NCL: variants seen among roughly 807,000 people sequenced by gnomAD.
NCL encodes the protein nucleolin multifunctional protein.
A neutral mutation model predicts 77.7 loss-of-function variants in NCL; 4 were observed. The ratio of observed to expected loss-of-function variants is 0.05; its 90% confidence interval spans 0.03 to 0.12. The LOEUF (loss-of-function observed/expected upper bound fraction) is 0.12. Among genes scored for constraint, NCL ranks in the 10% least tolerant of loss-of-function variants. NCL has a pLI of 1.00. For missense variants in NCL, 763 were observed against 860.9 expected (o/e 0.89, Z 1.42); for synonymous variants, 344 against 297.8 (o/e 1.16, Z -1.60).
intron 6 of NCL, 39 bp downstream of exon 6, chr2:231,460,113 A>G: frequency 1.0e-5 from 16 of 1,582,616 alleles, no homozygotes; most frequent in Non-Finnish European, 1.3e-5. Flanking sequence ...AAAAGCATTA[A>G]CAGACCCACG....
intron 9 of NCL, 74 bp from the exon 10 acceptor site, chr2:231,457,198 T>C (rs1047900321): frequency 2.5e-6 from 4 of 1,587,486 alleles, no homozygotes; most frequent in Non-Finnish European, 3.5e-6. Flanking sequence ...AGTAATATCT[T>C]ATTCCTAAGA....
At chr2:231,456,458 G>A in intron 11 of NCL, 173 bp downstream of exon 11, 1 of 1,206,030 alleles carries the variant, frequency 8.3e-7, no homozygotes, top group Admixed American at 1.7e-5. Context: ...ATCAGAACTT[G>A]ACTATCTAGA....
At chr2:231,456,158 G>C in intron 11 of NCL, 22 bp from the exon 12 acceptor site, 4 of 1,612,974 alleles carry the variant, frequency 2.5e-6, no homozygotes, top group Non-Finnish European at 3.4e-6. Flanking sequence ...AAAAAAATGT[G>C]ACTTTATGTG....
At chr2:231,455,298 G>T (rs778870166) in intron 13 of NCL, 31 bp from the exon 14 acceptor site, 1 of 1,614,018 alleles carries the variant, frequency 6.2e-7, no homozygotes, top group Admixed American at 1.7e-5. Context: ...ACTGTTAAAA[G>T]AATGGGTACA....
chr2:231,462,881 AC>A, intron 2 of NCL: 1 of 81,500 alleles, frequency 1.2e-5, no homozygotes, highest in Non-Finnish European at 1.9e-5. Flanking sequence ...AGCTCTGAAT[AC>A]AATGCCCAGC....
chr2:231,456,819 T>C, intron 10 of NCL, 55 bp from the exon 11 acceptor site: 2 of 1,603,724 alleles, frequency 1.2e-6, no homozygotes, highest in African/African-American at 1.3e-5. Context: ...GCTCCTTCAC[T>C]GTCACATGAT....
In NCL at chr2:231,457,727, C is replaced by T. The variant is rs753488545; in HGVS notation, c.1363G>A (p.Asp455Asn). The change falls in exon 9 of 14, where the codon GAT (aspartate) becomes AAT (asparagine). Residue 455 changes from aspartate to asparagine, a missense_variant. Around this residue, in one of 2 missense-constraint regions of NCL, gnomAD observed 590 missense variants for 570.5 expected, o/e 1.03. Coordinates refer to ENST00000322723, the MANE Select transcript of NCL (RefSeq NM_005381.3). The part of the protein sequence containing the change: ...TFEEKQGTEI[D>N]GRSISLYYTG... ...TAGTACAGGGAAATAGATCGCCCAT[C>T]GATCTCTGTTCCCTGCTTTTCTTCA... The T allele has an allele frequency of 4.3e-5, 70 of 1,612,758 alleles. No individual in the cohort carries two copies. Among genetic ancestry groups the T allele is most frequent in the Admixed American group, 1.3e-4 (8 of 59,964 alleles).
rs1470845443 is a variant in NCL, at chr2:231,454,845, G to A, written c.*346C>T. The A allele has an allele frequency of 9.4e-4, 113 of 120,484 alleles. No individual in the cohort carries two copies. Among genetic ancestry groups the A allele is most frequent in the South Asian group, 1.4e-3 (7 of 4,936 alleles). The allele number at this position is 120,484 out of a possible 1,614,324, so 7.5% of individuals were successfully genotyped here. A position where few individuals can be genotyped will look rare whatever the true frequency, so the allele number is the denominator to read the frequency against. The stretch of plus-strand genomic sequence containing the variant: ...TCTTTTCTTTTACAACCCCACGAAC[G>A]CAAAAAAAAAAAAAACAAAAACAAA... On this transcript the variant is annotated 3_prime_UTR_variant, in exon 14 of 14. Coordinates refer to ENST00000322723, the MANE Select transcript of NCL (RefSeq NM_005381.3).
chr2:231,456,552 A>G (rs780005297), intron 11 of NCL, 79 bp downstream of exon 11: 2 of 1,586,138 alleles, frequency 1.3e-6, no homozygotes, highest in Non-Finnish European at 1.7e-6. Context: ...GCAACAGGAA[A>G]CACAGAATTT....
intron 1 of NCL, 60 bp from the exon 2 acceptor site, chr2:231,463,376 T>C: frequency 8.6e-7 from 1 of 1,162,848 alleles, no homozygotes; most frequent in Non-Finnish European, 1.3e-6. Flanking sequence ...CCATTCATAT[T>C]TTGCCATTAG....
At position 231,459,082 on chromosome 2, in the gene NCL, T is replaced by C; in HGVS notation, c.1084A>G (p.Lys362Glu). The C allele has an allele frequency of 6.2e-7, 1 of 1,602,154 alleles. No individual in the cohort carries two copies. Among genetic ancestry groups the C allele is most frequent in the Non-Finnish European group, 8.5e-7 (1 of 1,176,124 alleles). ...VDFESAEDLE[K>E]ALELTGLKVF... ...TTCAAACCAGTGAGTTCCAACGCTT[T>C]CTCCAGGTCTTCAGCAGATTCAAAA... The change falls in exon 7 of 14, where the codon AAA becomes GAA. Residue 362 changes from lysine to glutamate, a missense_variant. This residue lies in a region of NCL where 590 missense variants were observed against 570.5 expected (regional missense o/e 1.03). Coordinates refer to ENST00000322723, the MANE Select transcript of NCL (RefSeq NM_005381.3).
intron 12 of NCL, 94 bp downstream of exon 12, chr2:231,455,916 A>G: frequency 6.3e-7 from 1 of 1,585,298 alleles, no homozygotes; most frequent in Non-Finnish European, 8.7e-7. Flanking sequence ...TGATAGACAG[A>G]AAGGAGCTCA....
intron 10 of NCL, 78 bp from the exon 11 acceptor site, chr2:231,456,842 C>T (rs1056134574): frequency 6.3e-6 from 10 of 1,582,252 alleles, no homozygotes; most frequent in Non-Finnish European, 8.6e-6. Flanking sequence ...TGCCAAGCCC[C>T]TTCTCTCAAG....
At chr2:231,458,562 G>A in intron 7 of NCL, 173 bp from the exon 8 acceptor site, 2 of 795,676 alleles carry the variant, frequency 2.5e-6, no homozygotes, top group Non-Finnish European at 3.8e-6. Context: ...CACACAAGTG[G>A]TCCCTCCATG....
intron 9 of NCL, 24 bp downstream of exon 9, chr2:231,457,619 C>T (rs1332608514): frequency 1.9e-6 from 3 of 1,570,466 alleles, no homozygotes; most frequent in East Asian, 4.5e-5. Context: ...ATTCTGAAAC[C>T]TTGTAACAAG....
chr2:231,458,839 T>C lies in NCL; in HGVS notation c.1165+162A>G. ...CACTGACAAGCAGTGCCAAGTACTC[T>C]TGTAAACACTGTAGCTCATTTAATT... On this transcript the variant is annotated intron_variant, in intron 7 of 13. Coordinates refer to ENST00000322723, the MANE Select transcript of NCL (RefSeq NM_005381.3). The C allele has an allele frequency of 3.8e-6, 3 of 781,230 alleles. No homozygotes were observed. In the South Asian group the frequency reaches 8.5e-5, roughly 22 times the overall value. 48.4% of individuals were successfully genotyped at this position (781,230 alleles called of 1,614,324 possible). A position where few individuals can be genotyped will look rare whatever the true frequency, so the allele number is the denominator to read the frequency against.
In NCL at chr2:231,461,726, CCTT is replaced by C. The variant is rs2046953766; in HGVS notation, c.424_426del (p.Lys142del). The C allele has an allele frequency of 6.8e-6, 11 of 1,614,248 alleles. No individual in the cohort carries two copies. Among genetic ancestry groups the C allele is most frequent in the Non-Finnish European group, 9.3e-6 (11 of 1,180,046 alleles). On this transcript the variant is annotated inframe_deletion, in exon 3 of 14. Coordinates refer to ENST00000322723, the MANE Select transcript of NCL (RefSeq NM_005381.3). ...TCATCCTCCTCTTCATCACTGTCTT[CCTT>C]CTTGGCATTCTTGCCATTCTTTGCC...
Position 231,463,233 on chromosome 2 carries a change from T to C in NCL, c.102A>G (p.Ser34=). 6.2e-7 allele frequency: 1 copy of C among 1,611,636 alleles called. No individual in the cohort carries two copies. Among genetic ancestry groups the C allele is most frequent in the Admixed American group, 1.7e-5 (1 of 59,234 alleles). ...CACTGCTATCATCTTCTTCATCTTC[T>C]GACATTTCCTCATCTTCACTATCTT... The part of the protein sequence containing the change: ...VEEDSEDEEM[S]EDEEDDSSGE... Residue 34 remains serine, a synonymous_variant, in exon 2 of 14, where the codon TCA becomes TCG. Transcript: ENST00000322723.
rs764024904 is a variant in NCL at position 231,461,550 on chromosome 2, ATCGTCATCGTCATCCTCATCATCT to A, written c.579_602del (p.Glu193_Asp200del). ...AAGACAACTCCTTACCATCTTCCTC[ATCGTCATCGTCATCCTCATCATCT>A]TCGTCATCCTCATCGTCCTCATCCT... On this transcript the variant is annotated inframe_deletion, in exon 3 of 14. Transcript: ENST00000322723. The A allele has an allele frequency of 4.3e-6, 7 of 1,612,774 alleles. No homozygotes were observed. Among genetic ancestry groups the A allele is most frequent in the South Asian group, 1.1e-5 (1 of 91,030 alleles).
Sources: allele counts gnomAD v4.1 joint callset, GRCh38; gene constraint gnomAD v4.1.1; regional missense constraint gnomAD v4.1.1; transcripts MANE v1.5; gene names NCBI Gene and HGNC (gene_info 2026-07-23, HGNC 2026-07-21).